Variants in CYRIB observed in about 807,000 individuals in gnomAD.
CYRIB encodes CYFIP related Rac1 interactor B.
Under a neutral mutation model 44.2 loss-of-function variants are expected in CYRIB, and 8 were observed. The observed-to-expected ratio is 0.18, with a 90% confidence interval of 0.11 to 0.33. CYRIB has a LOEUF of 0.33. Among genes scored for constraint, CYRIB ranks in the 10% least tolerant of loss-of-function variants. CYRIB has a pLI of 1.00. For missense variants in CYRIB, 185 were observed against 382.8 expected (o/e 0.48, Z 4.31); for synonymous variants, 131 against 127.2 (o/e 1.03, Z -0.20).
At position 129,923,239 on chromosome 8, in the gene CYRIB, T is replaced by TCTCAAAAAAAAAGCAAAAG. The variant is rs1563984356; in HGVS notation, c.-50+16368_-50+16369insCTTTTGCTTTTTTTTTGAG. 4.6e-4 allele frequency among the ~76,000 whole-genome samples: 69 copies of TCTCAAAAAAAAAGCAAAAG among 150,652 alleles called. No individual in the cohort carries two copies. The South Asian group carries it at 0.01, about 22-fold the overall frequency. On this transcript the variant is annotated intron_variant, in intron 1 of 11. Coordinates refer to ENST00000519824, the Ensembl canonical transcript of CYRIB. The stretch of plus-strand genomic sequence containing the variant: ...GCCTGGGCAACAAGAGCAAAACTCT[T>TCTCAAAAAAAAAGCAAAAG]AAAAAGAAAAAAATCTCCACCTAAG...
intron 4 of CYRIB, among the ~76,000 whole-genome samples, chr8:129,870,136 T>C (rs144748672): frequency 3.0e-3 from 458 of 152,106 alleles, no homozygotes; most frequent in Middle Eastern, 0.017. Flanking sequence ...GGGCCAGGCA[T>C]GGTGGCTCAT....
chr8:129,954,067 C>T (rs1448974714), intron 2 of CYRIB, among the ~76,000 whole-genome samples: 7 of 152,032 alleles, frequency 4.6e-5, no homozygotes, highest in African/African-American at 1.7e-4. Context: ...CATGTTAGAA[C>T]ACAGGTTTAA....
chr8:129,992,026 A>G (rs79625093), intron 1 of CYRIB, among the ~76,000 whole-genome samples: 11,552 of 148,810 alleles, frequency 0.078, 541 homozygotes, highest in South Asian at 0.22. Context: ...TCCGAGTAAT[A>G]CTTTTTAGGC....
chr8:129,916,788 C>T (rs1457879848), intron 1 of CYRIB, among the ~76,000 whole-genome samples: 15 of 152,150 alleles, frequency 9.9e-5, no homozygotes. Context: ...AAATTTGTTT[C>T]TCAAGTCTTT....
intron 2 of CYRIB, among the ~76,000 whole-genome samples, chr8:129,952,238 T>C (rs1332284664): frequency 6.6e-6 from 1 of 151,986 alleles, no homozygotes. Context: ...AGAGATGGGG[T>C]TTAGTAGAGA....
At chr8:129,852,225 A>C (rs1255211000) in exon 8 of CYRIB, 3 of 1,567,606 alleles carry the variant, frequency 1.9e-6, no homozygotes, top group Non-Finnish European at 2.6e-6. Flanking sequence ...CCTCAGCATA[A>C]AACAAAGACA....
intron 1 of CYRIB, among the ~76,000 whole-genome samples, chr8:129,987,356 G>C (rs2096492365): frequency 6.6e-6 from 1 of 152,092 alleles, no homozygotes; most frequent in African/African-American, 2.4e-5. Context: ...GTTAATGAGA[G>C]GCTGCTGGTT....
chr8:130,013,400 GGATTCTTTT>G (rs2097270429), intron 1 of CYRIB, among the ~76,000 whole-genome samples: 1 of 152,166 alleles, frequency 6.6e-6, no homozygotes, highest in Non-Finnish European at 1.5e-5. Flanking sequence ...AGACCAACGG[GGATTCTTTT>G]GCCTGTTTAG....
At chr8:129,867,786 C>G (rs186141040) in intron 4 of CYRIB, among the ~76,000 whole-genome samples, 1 of 152,206 alleles carries the variant, frequency 6.6e-6, no homozygotes, top group Non-Finnish European at 1.5e-5. Context: ...GGCGGCCATA[C>G]CAGTTTTTAC....
At chr8:129,966,432 GTTGTT>G (rs1053984259) in intron 2 of CYRIB, among the ~76,000 whole-genome samples, 9 of 152,248 alleles carry the variant, frequency 5.9e-5, no homozygotes, top group Admixed American at 4.6e-4. Flanking sequence ...GTCACAAAAG[GTTGTT>G]TTGTTTTTAA....
At chr8:129,911,999 A>G (rs2078287059) in intron 1 of CYRIB, among the ~76,000 whole-genome samples, 1 of 152,214 alleles carries the variant, frequency 6.6e-6, no homozygotes, top group East Asian at 1.9e-4. Context: ...ACGTTCTGTG[A>G]AAACAAGTAA....
rs2395972 is a variant in CYRIB at position 129,991,970 on chromosome 8, A to G, written c.-295-20975T>C. Among the ~76,000 whole-genome samples the G allele has an allele frequency of 8.4e-4, 117 of 139,558 alleles. 5 individuals carry two copies. The highest frequency in any genetic ancestry group is 2.6e-3 in the South Asian group (10 of 3,854). The allele number at this position is 139,558 out of a possible 152,430, so 91.6% of individuals were successfully genotyped here. On this transcript the variant is annotated intron_variant, in intron 1 of 14. Coordinates refer to the CYRIB transcript ENST00000401979. ...AAAAAAAAAAAAAAAAAAAAAAAAAAAACAATAGGAAGCTATTAAGGGTTT... is the reference window on the plus strand; with the variant it reads ...AAAAAAAAAAAAAAAAAAAAAAAAAGAACAATAGGAAGCTATTAAGGGTTT...
chr8:129,951,115 C>T (rs951323320), intron 2 of CYRIB, among the ~76,000 whole-genome samples: 1 of 151,560 alleles, frequency 6.6e-6, no homozygotes, highest in Admixed American at 6.6e-5. Flanking sequence ...ACCAGCCTGG[C>T]CAACATGGCG....
At chr8:129,878,333 A>G (rs1047890815) in intron 3 of CYRIB, among the ~76,000 whole-genome samples, 1 of 152,246 alleles carries the variant, frequency 6.6e-6, no homozygotes, top group Non-Finnish European at 1.5e-5. Flanking sequence ...ATGAACTGCC[A>G]TGGTTTAGAA....
intron 1 of CYRIB, among the ~76,000 whole-genome samples, chr8:129,984,052 G>A (rs751486632): frequency 1.5e-4 from 23 of 152,238 alleles, no homozygotes; most frequent in Non-Finnish European, 3.2e-4. Context: ...CTGCACAGCT[G>A]GGGCCTCCGT....
intron 1 of CYRIB, among the ~76,000 whole-genome samples, chr8:129,976,759 G>A (rs1399925633): frequency 1.3e-5 from 2 of 151,576 alleles, no homozygotes; most frequent in Admixed American, 1.3e-4. Flanking sequence ...ACATTTGTTT[G>A]AAAAAAAGAA....
At chr8:130,012,495 C>A (rs1409645970) in intron 1 of CYRIB, among the ~76,000 whole-genome samples, 1 of 150,282 alleles carries the variant, frequency 6.7e-6, no homozygotes, top group African/African-American at 2.5e-5. Flanking sequence ...AGAAAGAGCA[C>A]CAGGGGCTGA....
chr8:129,935,868 C>G (rs1045868105), intron 1 of CYRIB, among the ~76,000 whole-genome samples: 1 of 152,080 alleles, frequency 6.6e-6, no homozygotes, highest in African/African-American at 2.4e-5. Flanking sequence ...TCATTCTGAC[C>G]CATGGTACCA....
intron 1 of CYRIB, among the ~76,000 whole-genome samples, chr8:129,908,950 T>TA (rs1290399305): frequency 9.6e-5 from 14 of 145,532 alleles, no homozygotes; most frequent in African/African-American, 2.2e-4. Flanking sequence ...TATAAAGATT[T>TA]TAAAAAAATG....
Sources: gnomAD v4.1 joint callset for allele counts (sites outside exome capture counted in the v4.1 genomes callset) on GRCh38, gnomAD v4.1.1 for gene constraint, MANE v1.5 for transcripts, NCBI Gene and HGNC (gene_info 2026-07-23, HGNC 2026-07-21) for gene names.